The following DOCK3 variants were observed in gnomAD, a reference collection of about 807,000 sequenced individuals.
The protein encoded by DOCK3 is dedicator of cytokinesis protein 3.
In DOCK3, 60 loss-of-function variants were observed where a neutral mutation model predicts 265.6. The observed-to-expected ratio is 0.23, with a 90% CI of 0.18 to 0.28. The LOEUF (loss-of-function observed/expected upper bound fraction) is 0.28. DOCK3 is among the 10% of genes least tolerant of loss of function. The probability of loss-of-function intolerance (pLI) is 1.00; values close to 1 mark genes in which losing one functional copy is unlikely to be tolerated. For synonymous variants in DOCK3, 881 were observed against 938.0 expected (o/e 0.94, Z 1.11); for missense variants, 1,981 against 2,594.3 (o/e 0.76, Z 5.14).
intron 5 of DOCK3, among the ~76,000 whole-genome samples, chr3:51,023,747 C>T (rs948987907): frequency 2.6e-5 from 4 of 152,096 alleles, no homozygotes; most frequent in Non-Finnish European, 2.9e-5. Flanking sequence ...ATCTATCTCC[C>T]TGGAAAATTT....
chr3:51,232,944 T>G (rs568466676), intron 19 of DOCK3, among the ~76,000 whole-genome samples: 134 of 152,294 alleles, frequency 8.8e-4, no homozygotes, highest in African/African-American at 3.1e-3. Context: ...AGGTAGGCCA[T>G]TTTATTTTGA....
intron 1 of DOCK3, among the ~76,000 whole-genome samples, chr3:50,705,756 A>G (rs1268276595): frequency 1.3e-5 from 2 of 152,088 alleles, no homozygotes; most frequent in East Asian, 3.9e-4. Context: ...CTGGCTGGGC[A>G]TGGTGGCTCA....
intron 5 of DOCK3, among the ~76,000 whole-genome samples, chr3:51,009,474 C>T (rs752292367): frequency 2.8e-4 from 42 of 152,228 alleles, no homozygotes; most frequent in Middle Eastern, 6.8e-3. Context: ...ACCCCTTTAT[C>T]GTTTTTTATT....
intron 40 of DOCK3, 148 bp from the exon 41 acceptor site, chr3:51,354,734 T>A: frequency 1.6e-6 from 2 of 1,219,550 alleles, no homozygotes; most frequent in Non-Finnish European, 2.2e-6. Flanking sequence ...TCTGCCTCCT[T>A]GAGTGCAATG....
intron 3 of DOCK3, among the ~76,000 whole-genome samples, chr3:50,884,125 C>T (rs1305266817): frequency 2.0e-5 from 3 of 149,816 alleles, no homozygotes; most frequent in Admixed American, 6.7e-5. Context: ...TATGGAGTCT[C>T]GCTCTTTCAG....
chr3:51,014,027 A>G (rs945454037), intron 5 of DOCK3, among the ~76,000 whole-genome samples: 3 of 152,168 alleles, frequency 2.0e-5, no homozygotes, highest in Non-Finnish European at 4.4e-5. Flanking sequence ...GGACAAGTGC[A>G]GTGTTTAGGT....
intron 27 of DOCK3, among the ~76,000 whole-genome samples, chr3:51,307,987 A>C (rs2082793393): frequency 6.9e-6 from 1 of 144,778 alleles, no homozygotes; most frequent in African/African-American, 2.6e-5. Flanking sequence ...CTATGAATGG[A>C]GTTTTTCCAG....
intron 6 of DOCK3, among the ~76,000 whole-genome samples, chr3:51,074,786 C>T (rs1438690324): frequency 4.6e-5 from 7 of 152,012 alleles, no homozygotes; most frequent in Non-Finnish European, 1.0e-4. Context: ...CACACGTTCA[C>T]CTGTGTAACA....
At chr3:50,800,106 G>A (rs932234250) in intron 2 of DOCK3, among the ~76,000 whole-genome samples, 6 of 152,078 alleles carry the variant, frequency 3.9e-5, no homozygotes, top group South Asian at 2.1e-4. Flanking sequence ...GTATTTTGTC[G>A]AGGACTTTTG....
chr3:50,913,700 C>T (rs2049976694), intron 4 of DOCK3, among the ~76,000 whole-genome samples: 1 of 152,094 alleles, frequency 6.6e-6, no homozygotes, highest in South Asian at 2.1e-4. Flanking sequence ...AGCTGAGTTT[C>T]ATCTGTGTTG....
Position 51,365,741 on chromosome 3 carries a change from T to A in DOCK3, c.5293+3067T>A, listed in dbSNP as rs187906032. Among the ~76,000 whole-genome samples, 19 of 152,352 alleles carry A rather than the reference T, an allele frequency of 1.2e-4. No homozygotes were observed. In the East Asian group the frequency reaches 3.7e-3, roughly 29 times the overall value. ...AAGGCCTTTTCTGCATCTATTGAGATAGTCATGTGGTTTTTGTCTTTGGTT... is the reference window on the plus strand; with the variant it reads ...AAGGCCTTTTCTGCATCTATTGAGAAAGTCATGTGGTTTTTGTCTTTGGTT... On this transcript the variant is annotated intron_variant, in intron 49 of 52. Transcript: ENST00000266037.
chr3:50,810,324 G>C (rs1338435739), intron 2 of DOCK3, among the ~76,000 whole-genome samples: 1 of 152,132 alleles, frequency 6.6e-6, no homozygotes, highest in Non-Finnish European at 1.5e-5. Context: ...ACCGAGGCGG[G>C]CGGATCACTT....
intron 5 of DOCK3, among the ~76,000 whole-genome samples, chr3:50,982,589 G>T (rs1472364563): frequency 6.6e-6 from 1 of 152,194 alleles, no homozygotes; most frequent in East Asian, 1.9e-4. Context: ...CTGTGTTGCT[G>T]CTCTCACCTG....
At chr3:51,281,190 C>T (rs547137329) in intron 27 of DOCK3, among the ~76,000 whole-genome samples, 4 of 150,992 alleles carry the variant, frequency 2.6e-5, no homozygotes, top group East Asian at 3.9e-4. Context: ...TCCAGTCTTT[C>T]GGCTTCCCTA....
intron 3 of DOCK3, among the ~76,000 whole-genome samples, chr3:50,846,701 C>G (rs932225498): frequency 6.6e-6 from 1 of 152,084 alleles, no homozygotes; most frequent in Non-Finnish European, 1.5e-5. Flanking sequence ...TTGGTCTGTT[C>G]AGGGTTTCAG....
intron 3 of DOCK3, among the ~76,000 whole-genome samples, chr3:50,854,041 A>G (rs1208461319): frequency 2.0e-5 from 3 of 151,806 alleles, no homozygotes; most frequent in African/African-American, 7.3e-5. Context: ...TTGTGGTTTT[A>G]ATTTGCTTTT....
chr3:51,293,326 A>T (rs1365464781), intron 27 of DOCK3, among the ~76,000 whole-genome samples: 3 of 152,218 alleles, frequency 2.0e-5, no homozygotes, highest in African/African-American at 4.8e-5. Context: ...AAACCCACAC[A>T]TCTACCATTA....
At chr3:51,107,272 A>G (rs1013228594) in intron 9 of DOCK3, among the ~76,000 whole-genome samples, 1 of 152,244 alleles carries the variant, frequency 6.6e-6, no homozygotes, top group Non-Finnish European at 1.5e-5. Flanking sequence ...AACCAGTGCA[A>G]GAACTCTGAC....
At chr3:50,854,737 G>C (rs1406331352) in intron 3 of DOCK3, among the ~76,000 whole-genome samples, 1 of 151,062 alleles carries the variant, frequency 6.6e-6, no homozygotes, top group African/African-American at 2.4e-5. Context: ...CTTTTCCTAT[G>C]TTTTCTTCTA....
Sources: gnomAD v4.1 joint callset for allele counts (sites outside exome capture counted in the v4.1 genomes callset) on GRCh38, gnomAD v4.1.1 for gene constraint, MANE v1.5 for transcripts, NCBI Gene and HGNC (gene_info 2026-07-23, HGNC 2026-07-21) for gene names.